TMF1: variants seen among roughly 807,000 people sequenced by gnomAD.
TMF1 encodes TATA element modulatory factor 1.
A neutral mutation model predicts 126.5 loss-of-function variants in TMF1; 71 were observed. That is an observed-to-expected ratio of 0.56 (90% CI 0.46 to 0.68). TMF1 has a LOEUF of 0.68. Among genes scored for constraint, TMF1 ranks in the 30% least tolerant of loss-of-function variants. The pLI, the probability that TMF1 is intolerant of heterozygous loss-of-function variation, is 0.00. For synonymous variants in TMF1, 461 were observed against 430.5 expected (o/e 1.07, Z -0.88); for missense variants, 1,259 against 1,253.2 (o/e 1.00, Z -0.07).
At chr3:69,051,682 C>A (rs1190122294) in intron 1 of TMF1, among the ~76,000 whole-genome samples, 1 of 152,076 alleles carries the variant, frequency 6.6e-6, no homozygotes, top group Non-Finnish European at 1.5e-5. Context: ...GACCAACCAA[C>A]CAAGTCCCCT....
At chr3:69,024,603 T>G (rs1278826454) in intron 15 of TMF1, among the ~76,000 whole-genome samples, 1 of 152,128 alleles carries the variant, frequency 6.6e-6, no homozygotes, top group Non-Finnish European at 1.5e-5. Context: ...GGTCCCTGTA[T>G]AGCATACCAG....
At chr3:69,032,268 C>T (rs1041297764) in intron 10 of TMF1, among the ~76,000 whole-genome samples, 2 of 152,126 alleles carry the variant, frequency 1.3e-5, no homozygotes, top group African/African-American at 4.8e-5. Flanking sequence ...GTTCACCCCC[C>T]CGATTCACAA....
chr3:69,037,640 C>A (rs1272380109), intron 8 of TMF1, among the ~76,000 whole-genome samples: 1 of 151,844 alleles, frequency 6.6e-6, no homozygotes, highest in East Asian at 1.9e-4. Context: ...GAAACTCTGT[C>A]TCACAAAAAA....
Position 69,033,574 on chromosome 3 carries a change from A to C in TMF1, c.2375T>G (p.Leu792Ter). The C allele has an allele frequency of 6.2e-7, 1 of 1,613,644 alleles. No individual in the cohort carries two copies. Among genetic ancestry groups the C allele is most frequent in the Non-Finnish European group, 8.5e-7 (1 of 1,179,890 alleles). Residue 792 changes from leucine to a stop codon, truncating the protein, a stop_gained, in exon 10 of 17, where the codon TTA becomes TGA. Transcript: ENST00000398559. LOFTEE classifies it high-confidence loss of function. ...AAGCCTATCAGAAAGATTCTTCTCTAATTTCTCCCACGACGATGTCTGGGA... is the reference window on the plus strand; with the variant it reads ...AAGCCTATCAGAAAGATTCTTCTCTCATTTCTCCCACGACGATGTCTGGGA... ...LGSQTSSWEK[L>*]EKNLSDRLGE...
At chr3:69,039,071 T>C in intron 6 of TMF1, 62 bp from the exon 7 acceptor site, 1 of 1,236,470 alleles carries the variant, frequency 8.1e-7, no homozygotes, top group Non-Finnish European at 1.1e-6. Flanking sequence ...TAAATAACTG[T>C]ATTCCAGGAA....
chr3:69,039,398 G>A (rs553708834), intron 6 of TMF1, among the ~76,000 whole-genome samples, 153 bp downstream of exon 6: 60 of 152,186 alleles, frequency 3.9e-4, no homozygotes, highest in African/African-American at 1.3e-3. Context: ...CACCCCACTC[G>A]GCTAAAAAAT....
intron 11 of TMF1, among the ~76,000 whole-genome samples, chr3:69,029,448 TA>T (rs1431466678): frequency 6.0e-5 from 4 of 66,636 alleles, no homozygotes; most frequent in South Asian, 4.3e-4. Context: ...TTATTTAATT[TA>T]TTTTTTTTTT....
At position 69,023,564 on chromosome 3, in the gene TMF1, C is replaced by G. The variant is rs114647798; in HGVS notation, c.3139-244G>C. 8.3e-3 allele frequency among the ~76,000 whole-genome samples: 1,262 copies of G among 152,188 alleles called. 17 individuals are homozygous for G. Among genetic ancestry groups the G allele is most frequent in the African/African-American group, 0.029 (1,199 of 41,554 alleles). ...CTATCTCTCCACTAAATCTACAATT[C>G]TCCCCATATATGACTTCTCTCCCAT... On this transcript the variant is annotated intron_variant, in intron 16 of 16. Coordinates refer to ENST00000398559, the MANE Select transcript of TMF1 (RefSeq NM_007114.3).
chr3:69,051,510 C>G (rs1236960826), intron 1 of TMF1, among the ~76,000 whole-genome samples: 1 of 152,164 alleles, frequency 6.6e-6, no homozygotes, highest in Non-Finnish European at 1.5e-5. Flanking sequence ...CGCTACCAAG[C>G]GCGAAATGTT....
intron 15 of TMF1, 158 bp from the exon 16 acceptor site, chr3:69,024,338 AAC>A: frequency 1.7e-6 from 1 of 586,854 alleles, no homozygotes; most frequent in African/African-American, 2.0e-5. Flanking sequence ...AAGTAAAGGA[AAC>A]AGTGGCAGAA....
intron 10 of TMF1, among the ~76,000 whole-genome samples, chr3:69,031,212 C>CA (rs1207414216): frequency 1.3e-5 from 2 of 151,852 alleles, no homozygotes; most frequent in Admixed American, 6.6e-5. Context: ...AAACAGAGGA[C>CA]AGATTAGTGA....
intron 16 of TMF1, among the ~76,000 whole-genome samples, 161 bp downstream of exon 16, chr3:69,023,894 A>G (rs558285530): frequency 6.6e-6 from 1 of 152,284 alleles, no homozygotes; most frequent in Non-Finnish European, 1.5e-5. Flanking sequence ...ATGTAAAGAT[A>G]CAAGCAAGAT....
At position 69,047,844 on chromosome 3, in the gene TMF1, G is replaced by A. The variant is rs764980189; in HGVS notation, c.861C>T (p.His287=). ...QETTDSKSSL[H]LMQTSFQLLS... ...GAAGCTGAAAAGATGTCTGCATCAA[G>A]TGAAGACTTGATTTTGAATCTGTAG... Residue 287 remains histidine, a synonymous_variant, in exon 2 of 17, where the codon CAC becomes CAT. Transcript: ENST00000398559. 5 of 1,614,040 alleles carry A rather than the reference G, an allele frequency of 3.1e-6. No homozygotes were observed. The highest frequency in any genetic ancestry group is 4.2e-6 in the Non-Finnish European group (5 of 1,180,024).
intron 5 of TMF1, among the ~76,000 whole-genome samples, chr3:69,042,184 G>A (rs1011074100): frequency 1.3e-5 from 2 of 151,730 alleles, no homozygotes; most frequent in Non-Finnish European, 2.9e-5. Flanking sequence ...TTAGAGGCAC[G>A]CACCACCACC....
chr3:69,047,836 T>G lies in TMF1; in HGVS notation c.869A>C (p.Gln290Pro). 1 of 1,614,082 alleles carries G rather than the reference T, an allele frequency of 6.2e-7. No individual in the cohort carries two copies. The highest frequency in any genetic ancestry group is 8.5e-7 in the Non-Finnish European group (1 of 1,180,028). Residue 290 changes from glutamine to proline, a missense_variant, in exon 2 of 17, where the codon CAG becomes CCG. Gln to Pro is a moderately conservative substitution (Grantham distance 76). Coordinates refer to ENST00000398559, the MANE Select transcript of TMF1 (RefSeq NM_007114.3). ...TGCAGAGAGAAGCTGAAAAGATGTC[T>G]GCATCAAGTGAAGACTTGATTTTGA... The part of the protein sequence containing the change: ...TDSKSSLHLM[Q>P]TSFQLLSASA...
intron 1 of TMF1, among the ~76,000 whole-genome samples, chr3:69,049,953 G>C (rs1464369031): frequency 6.6e-6 from 1 of 152,094 alleles, no homozygotes; most frequent in Non-Finnish European, 1.5e-5. Context: ...CCTTATAGTA[G>C]AATCTATCCT....
intron 12 of TMF1, 70 bp from the exon 13 acceptor site, chr3:69,028,062 G>C: frequency 8.6e-7 from 1 of 1,168,652 alleles, no homozygotes; most frequent in East Asian, 2.4e-5. Flanking sequence ...CAATCTCAAA[G>C]TTAGAAGCAT....
chr3:69,028,683 CA>C (rs1292746197), intron 11 of TMF1, among the ~76,000 whole-genome samples: 1 of 149,790 alleles, frequency 6.7e-6, no homozygotes, highest in Non-Finnish European at 1.5e-5. Context: ...TTTTACTTGA[CA>C]TTTTTTTAAA....
At position 69,051,574 on chromosome 3, in the gene TMF1, C is replaced by T. The variant is rs1293757831; in HGVS notation, c.142+371G>A. Among the ~76,000 whole-genome samples, 3 of 152,144 alleles carry T rather than the reference C, an allele frequency of 2.0e-5. No homozygotes were observed. The East Asian group carries it at 5.8e-4, about 29-fold the overall frequency. ...TCCCTGATGATTTACGTACTTCAGA[C>T]CTTGGATCCCAACAGTGCCCGAGAC... On this transcript the variant is annotated intron_variant, in intron 1 of 16. Coordinates refer to ENST00000398559, the MANE Select transcript of TMF1 (RefSeq NM_007114.3).
Sources: allele counts gnomAD v4.1 joint callset (sites outside exome capture counted in the v4.1 genomes callset), GRCh38; gene constraint gnomAD v4.1.1; transcripts MANE v1.5; gene names NCBI Gene and HGNC (gene_info 2026-07-23, HGNC 2026-07-21).